The following TOM1L2 variants were observed in gnomAD, a reference collection of about 807,000 sequenced individuals.
TOM1L2 encodes target of myb1 like 2 membrane trafficking protein.
Under a neutral mutation model 67.9 loss-of-function variants are expected in TOM1L2, and 31 were observed. The observed-to-expected ratio is 0.46, with a 90% CI of 0.34 to 0.62. The LOEUF is 0.62. Among genes scored for constraint, TOM1L2 ranks in the 20% least tolerant of loss-of-function variants. TOM1L2 has a pLI of 0.01. For synonymous variants in TOM1L2, 256 were observed against 254.0 expected (o/e 1.01, Z -0.07); for missense variants, 606 against 663.5 (o/e 0.91, Z 0.95).
At chr17:17,897,174 G>A (rs1478941932) in intron 3 of TOM1L2, among the ~76,000 whole-genome samples, 1 of 152,172 alleles carries the variant, frequency 6.6e-6, no homozygotes, top group East Asian at 1.9e-4. Flanking sequence ...AAAATTCCCT[G>A]ATATATTAGA....
At chr17:17,959,478 C>T (rs181220441) in intron 1 of TOM1L2, among the ~76,000 whole-genome samples, 25 of 152,312 alleles carry the variant, frequency 1.6e-4, no homozygotes, top group Non-Finnish European at 3.2e-4. Context: ...CACTAAGACC[C>T]TTTCAACTAG....
chr17:17,943,983 G>T (rs1158104615), intron 1 of TOM1L2, among the ~76,000 whole-genome samples: 1 of 152,194 alleles, frequency 6.6e-6, no homozygotes, highest in East Asian at 1.9e-4. Context: ...CACCTCCTTT[G>T]TGAAGGCAGT....
rs1017963011 is a variant in TOM1L2, at chr17:17,846,584, G to A, written c.*1051C>T. ...ACTGTCAGGAGAGTCTGTGCAAGGA[G>A]GCCAAGGCCTATGCCAGGGAGCAGA... On this transcript the variant is annotated 3_prime_UTR_variant, in exon 15 of 15. Transcript: ENST00000379504. The A allele has an allele frequency of 3.3e-5, 5 of 152,512 alleles. No homozygotes were observed. The highest frequency in any genetic ancestry group is 7.3e-5 in the Non-Finnish European group (5 of 68,246). The allele number at this position is 152,512 out of a possible 1,614,324, so 9.4% of individuals were successfully genotyped here.
intron 12 of TOM1L2, among the ~76,000 whole-genome samples, chr17:17,854,524 T>C (rs1436217156): frequency 6.6e-6 from 1 of 151,934 alleles, no homozygotes; most frequent in Non-Finnish European, 1.5e-5. Flanking sequence ...GTTATTTATT[T>C]AATTAATTAA....
chr17:17,910,021 CCT>C (rs761037887), intron 1 of TOM1L2, among the ~76,000 whole-genome samples: 2 of 152,008 alleles, frequency 1.3e-5, no homozygotes, highest in Non-Finnish European at 2.9e-5. Context: ...AGAGTAAGAC[CCT>C]GTCTCTTAAA....
intron 1 of TOM1L2, among the ~76,000 whole-genome samples, chr17:17,926,313 G>C (rs997936457): frequency 1.3e-5 from 2 of 151,950 alleles, no homozygotes; most frequent in African/African-American, 2.4e-5. Flanking sequence ...ATTTTATTCT[G>C]ACCAGGCCTC....
chr17:17,937,957 C>A (rs1391214760), intron 1 of TOM1L2, among the ~76,000 whole-genome samples: 1 of 152,194 alleles, frequency 6.6e-6, no homozygotes, highest in Non-Finnish European at 1.5e-5. Flanking sequence ...ACACTCCATT[C>A]CTGCCACTCA....
chr17:17,854,689 T>A (rs1402187656), intron 12 of TOM1L2, among the ~76,000 whole-genome samples: 1 of 149,478 alleles, frequency 6.7e-6, no homozygotes, highest in Non-Finnish European at 1.5e-5. Context: ...CACACCTGCC[T>A]AATTTTTTTT....
At chr17:17,898,537 A>G (rs968834516) in intron 3 of TOM1L2, 59 bp downstream of exon 3, 1 of 1,583,510 alleles carries the variant, frequency 6.3e-7, no homozygotes, top group Admixed American at 1.7e-5. Flanking sequence ...TGAGGGGGGC[A>G]AGGCCAGGAG....
chr17:17,870,907 G>A (rs2037117270), intron 7 of TOM1L2, among the ~76,000 whole-genome samples: 1 of 152,210 alleles, frequency 6.6e-6, no homozygotes, highest in Non-Finnish European at 1.5e-5. Context: ...CCCCCTGCAT[G>A]TCCCTGGTAT....
intron 1 of TOM1L2, among the ~76,000 whole-genome samples, chr17:17,934,392 G>A (rs1008496374): frequency 6.6e-5 from 10 of 152,130 alleles, no homozygotes; most frequent in African/African-American, 2.4e-4. Flanking sequence ...GCTGCAGTGA[G>A]CTATGATGTC....
At chr17:17,955,641 T>C (rs1043683057) in intron 1 of TOM1L2, among the ~76,000 whole-genome samples, 1 of 152,146 alleles carries the variant, frequency 6.6e-6, no homozygotes, top group African/African-American at 2.4e-5. Flanking sequence ...GCCCAGCCTC[T>C]TCTTTGTTGT....
chr17:17,932,043 T>C (rs1245904024), intron 1 of TOM1L2, among the ~76,000 whole-genome samples: 2 of 152,226 alleles, frequency 1.3e-5, no homozygotes, highest in African/African-American at 4.8e-5. Context: ...TGATGGCTAA[T>C]TTGGTACAAC....
chr17:17,879,019 T>A (rs534610962), intron 7 of TOM1L2, among the ~76,000 whole-genome samples: 100 of 152,312 alleles, frequency 6.6e-4, no homozygotes, highest in Non-Finnish European at 9.7e-4. Context: ...CCCAGATCCA[T>A]GGGCTGTCCA....
At chr17:17,881,140 A>C (rs1361540329) in intron 6 of TOM1L2, among the ~76,000 whole-genome samples, 2 of 152,226 alleles carry the variant, frequency 1.3e-5, no homozygotes, top group Non-Finnish European at 2.9e-5. Flanking sequence ...ATGGTCTACC[A>C]GGGAGATGGT....
intron 9 of TOM1L2, among the ~76,000 whole-genome samples, 173 bp downstream of exon 9, chr17:17,866,703 C>T (rs1206220706): frequency 6.6e-6 from 1 of 152,182 alleles, no homozygotes; most frequent in African/African-American, 2.4e-5. Flanking sequence ...TGCCACCTTC[C>T]CATCAGGGGT....
chr17:17,876,571 A>T (rs2037433942), intron 7 of TOM1L2, among the ~76,000 whole-genome samples: 1 of 152,232 alleles, frequency 6.6e-6, no homozygotes, highest in Admixed American at 6.5e-5. Flanking sequence ...AATGTGTGAA[A>T]GGGCTTTCTA....
intron 1 of TOM1L2, among the ~76,000 whole-genome samples, chr17:17,913,878 T>C (rs2039514113): frequency 6.6e-6 from 1 of 152,200 alleles, no homozygotes; most frequent in Non-Finnish European, 1.5e-5. Flanking sequence ...CTCCCAAGAC[T>C]GTATCCCTTG....
Position 17,862,723 on chromosome 17 carries a change from C to A in TOM1L2, c.1202+8G>T. ...CTTTAGAGAGCCACTAAAAGGGGCC[C>A]CACATACGTCTTGCGCTGCTCAGCC... On this transcript the variant is annotated splice_region_variant and intron_variant, in intron 11 of 14. Coordinates refer to ENST00000379504, the MANE Select transcript of TOM1L2 (RefSeq NM_001082968.2). 6.2e-7 allele frequency: 1 copy of A among 1,611,626 alleles called. No homozygotes were observed. The highest frequency in any genetic ancestry group is 8.5e-7 in the Non-Finnish European group (1 of 1,179,212).
Sources: allele counts gnomAD v4.1 joint callset (sites outside exome capture counted in the v4.1 genomes callset), GRCh38; gene constraint gnomAD v4.1.1; transcripts MANE v1.5; gene names NCBI Gene and HGNC (gene_info 2026-07-23, HGNC 2026-07-21).